Variants in VRK1 observed in about 807,000 individuals in gnomAD.
The protein encoded by VRK1 is serine/threonine-protein kinase VRK1.
In VRK1, 33 loss-of-function variants were observed where a neutral mutation model predicts 57.1. The observed-to-expected ratio is 0.58, with a 90% CI of 0.44 to 0.77. VRK1 has a LOEUF of 0.77. Among genes scored for constraint, VRK1 ranks in the 30% least tolerant of loss-of-function variants. The pLI, the probability that VRK1 is intolerant of heterozygous loss-of-function variation, is 0.00. For missense variants in VRK1, 413 were observed against 477.3 expected, an observed-to-expected ratio of 0.87 and a Z score of 1.25; for synonymous variants, 137 against 147.8, an observed-to-expected ratio of 0.93 and a Z score of 0.53.
intron 8 of VRK1, 119 bp downstream of exon 8, chr14:96,855,475 G>C: frequency 6.7e-7 from 1 of 1,487,824 alleles, no homozygotes; most frequent in Non-Finnish European, 9.2e-7. Flanking sequence ...AAGGCACAGT[G>C]GCATGAGGAA....
Position 96,855,207 on chromosome 14 carries a change from T to G in VRK1, c.577-17T>G. 2 of 1,613,894 alleles carry G rather than the reference T, an allele frequency of 1.2e-6. No individual in the cohort carries two copies. The highest frequency in any genetic ancestry group is 1.7e-6 in the Non-Finnish European group (2 of 1,179,828). Reference sequence around the variant, plus strand: ...TGATTTTGACTTTAGTTTGTCTTGGTGCTTGGAAATTTATAGGTGTACTTG... The same window carrying G: ...TGATTTTGACTTTAGTTTGTCTTGGGGCTTGGAAATTTATAGGTGTACTTG... On this transcript the variant is annotated splice_polypyrimidine_tract_variant and intron_variant, in intron 7 of 12. Coordinates refer to ENST00000216639, the MANE Select transcript of VRK1 (RefSeq NM_003384.3).
chr14:96,855,783 A>G (rs963404589), intron 8 of VRK1, among the ~76,000 whole-genome samples: 6 of 152,190 alleles, frequency 3.9e-5, no homozygotes, highest in Admixed American at 1.3e-4. Flanking sequence ...GAAGAACTCA[A>G]ATACCCAGTT....
chr14:96,854,885 T>G (rs1304424199), intron 7 of VRK1, among the ~76,000 whole-genome samples: 3 of 152,162 alleles, frequency 2.0e-5, no homozygotes, highest in Non-Finnish European at 4.4e-5. Flanking sequence ...GTGCTCAATT[T>G]TAGAGTCTGT....
chr14:96,860,768 T>C (rs1157346334), intron 11 of VRK1, 33 bp downstream of exon 11: 5 of 1,601,784 alleles, frequency 3.1e-6, no homozygotes, highest in Middle Eastern at 1.7e-4. Flanking sequence ...TCTTTGGTCT[T>C]CTTGTGTTTA....
intron 4 of VRK1, 120 bp downstream of exon 4, chr14:96,846,284 T>G (rs1263838568): frequency 1.0e-6 from 1 of 984,968 alleles, no homozygotes; most frequent in Non-Finnish European, 1.6e-6. Context: ...GCTTTATAAA[T>G]TCCACTTACA....
chr14:96,809,939 A>T (rs1487633053), intron 1 of VRK1, among the ~76,000 whole-genome samples: 1 of 152,014 alleles, frequency 6.6e-6, no homozygotes, highest in African/African-American at 2.4e-5. Context: ...TTATACTTTT[A>T]CCAACATATG....
At chr14:96,871,883 T>TGA (rs1261812174) in intron 11 of VRK1, among the ~76,000 whole-genome samples, 2 of 152,158 alleles carry the variant, frequency 1.3e-5, no homozygotes, top group East Asian at 3.9e-4. Flanking sequence ...TTCATTGGTG[T>TGA]GATCTTGGCT....
Position 96,810,212 on chromosome 14 carries a change from T to G in VRK1, c.-6+12765T>G, listed in dbSNP as rs537665836. On this transcript the variant is annotated intron_variant, in intron 1 of 12. Coordinates refer to ENST00000216639, the MANE Select transcript of VRK1 (RefSeq NM_003384.3). ...ATTGAAATGTGGAGTTTATAAGGTA[T>G]CTGGATATGAATCCTTTGTCGAATA... is the stretch of plus-strand genomic sequence containing the variant. Among the ~76,000 whole-genome samples the G allele has an allele frequency of 2.4e-4, 36 of 152,342 alleles. 2 individuals carry two copies. The highest frequency in any genetic ancestry group is 2.4e-3 in the Admixed American group (36 of 15,304).
intron 11 of VRK1, among the ~76,000 whole-genome samples, chr14:96,868,801 C>CTTTTTTTT (rs34215586): frequency 8.0e-6 from 1 of 124,350 alleles, no homozygotes. Flanking sequence ...CATTTCTGTG[C>CTTTTTTTT]TTTTTTTTTT....
chr14:96,800,064 A>C (rs1885598257), intron 1 of VRK1, among the ~76,000 whole-genome samples: 1 of 152,114 alleles, frequency 6.6e-6, no homozygotes, highest in South Asian at 2.1e-4. Flanking sequence ...TGTTTAATAA[A>C]GGTACAAGAT....
chr14:96,870,770 A>T (rs1888790490), intron 11 of VRK1, among the ~76,000 whole-genome samples: 2 of 152,182 alleles, frequency 1.3e-5, no homozygotes, highest in African/African-American at 4.8e-5. Context: ...ACTCTTGTAG[A>T]TCATGTAATC....
At chr14:96,863,284 G>C (rs1286257701) in intron 11 of VRK1, among the ~76,000 whole-genome samples, 3 of 152,192 alleles carry the variant, frequency 2.0e-5, no homozygotes, top group Non-Finnish European at 4.4e-5. Flanking sequence ...TGGCAGTACA[G>C]TGCAACAGTT....
chr14:96,879,926 CAA>C (rs545516768), intron 12 of VRK1, among the ~76,000 whole-genome samples: 3 of 139,812 alleles, frequency 2.1e-5, no homozygotes, highest in Admixed American at 7.2e-5. Context: ...GACTCCCTCT[CAA>C]AAAAAAAAAT....
chr14:96,837,587 G>A (rs1887270257), intron 2 of VRK1, among the ~76,000 whole-genome samples, 175 bp from the exon 3 acceptor site: 1 of 152,086 alleles, frequency 6.6e-6, no homozygotes, highest in African/African-American at 2.4e-5. Context: ...ATTCAGATAT[G>A]TTAAAACATG....
At chr14:96,844,594 T>G (rs550373057) in intron 3 of VRK1, among the ~76,000 whole-genome samples, 1 of 152,304 alleles carries the variant, frequency 6.6e-6, no homozygotes, top group East Asian at 1.9e-4. Flanking sequence ...CAGGGTGGAG[T>G]GCAGTGGCAC....
At chr14:96,823,630 A>G (rs1424564545) in intron 1 of VRK1, among the ~76,000 whole-genome samples, 1 of 152,206 alleles carries the variant, frequency 6.6e-6, no homozygotes, top group Admixed American at 6.5e-5. Flanking sequence ...AAAAATTGTG[A>G]TAAGAAACAT....
chr14:96,805,630 C>T (rs930085946), intron 1 of VRK1, among the ~76,000 whole-genome samples: 1 of 152,022 alleles, frequency 6.6e-6, no homozygotes, highest in Non-Finnish European at 1.5e-5. Context: ...AATCAGTCAA[C>T]AAATAGAACC....
intron 5 of VRK1, among the ~76,000 whole-genome samples, chr14:96,850,398 A>C (rs530127781): frequency 6.6e-6 from 1 of 152,342 alleles, no homozygotes; most frequent in African/African-American, 2.4e-5. Flanking sequence ...AAAAGTATAC[A>C]TCAAAGGTTT....
At chr14:96,810,647 A>G (rs1886154657) in intron 1 of VRK1, among the ~76,000 whole-genome samples, 1 of 152,172 alleles carries the variant, frequency 6.6e-6, no homozygotes, top group Non-Finnish European at 1.5e-5. Flanking sequence ...ACTTGGGCAT[A>G]TTCTTAAATC....
Sources: allele counts gnomAD v4.1 joint callset (sites outside exome capture counted in the v4.1 genomes callset), GRCh38; gene constraint gnomAD v4.1.1; transcripts MANE v1.5; gene names NCBI Gene and HGNC (gene_info 2026-07-23, HGNC 2026-07-21).